The following STK32B variants were observed in gnomAD, a reference collection of about 807,000 sequenced individuals.
STK32B encodes the protein serine/threonine kinase 32B.
In STK32B, 43 loss-of-function variants were observed where a neutral mutation model predicts 52.6. The observed-to-expected ratio is 0.82, with a 90% CI of 0.64 to 1.05. The LOEUF is 1.05. Among genes scored for constraint, STK32B ranks in the 50% least tolerant of loss-of-function variants. The probability of loss-of-function intolerance (pLI) is 0.00; values close to 1 mark genes in which losing one functional copy is unlikely to be tolerated. For synonymous variants in STK32B, 238 were observed against 204.3 expected, an observed-to-expected ratio of 1.17 and a Z score of -1.41; for missense variants, 621 against 534.6, an observed-to-expected ratio of 1.16 and a Z score of -1.59.
At chr4:5,052,922 G>T (rs1440666211) in intron 1 of STK32B, among the ~76,000 whole-genome samples, 7 of 152,188 alleles carry the variant, frequency 4.6e-5, no homozygotes, top group Admixed American at 1.3e-4. Flanking sequence ...GCCCCTTGAG[G>T]TGGCTACCTT....
At chr4:5,095,992 ATTAG>A (rs1224333021) in intron 1 of STK32B, among the ~76,000 whole-genome samples, 1 of 152,246 alleles carries the variant, frequency 6.6e-6, no homozygotes, top group Non-Finnish European at 1.5e-5. Context: ...TGGATATTAT[ATTAG>A]TGATTTCATG....
intron 3 of STK32B, among the ~76,000 whole-genome samples, chr4:5,254,985 G>A (rs1026483081): frequency 7.5e-6 from 1 of 133,294 alleles, no homozygotes; most frequent in Non-Finnish European, 1.5e-5. Context: ...TATGTTTATT[G>A]AGCATCTTAT....
At chr4:5,349,057 A>T (rs866293773) in intron 4 of STK32B, among the ~76,000 whole-genome samples, 3 of 150,644 alleles carry the variant, frequency 2.0e-5, no homozygotes, top group African/African-American at 7.4e-5. Context: ...TTGTTCTACC[A>T]TTGTGACTAC....
At chr4:5,425,568 ACC>A (rs1319593907) in intron 6 of STK32B, among the ~76,000 whole-genome samples, 17 of 151,140 alleles carry the variant, frequency 1.1e-4, no homozygotes, top group African/African-American at 3.9e-4. Flanking sequence ...AAGTATTCCT[ACC>A]CTCATTGGTT....
intron 3 of STK32B, among the ~76,000 whole-genome samples, chr4:5,280,561 G>T (rs1728126599): frequency 6.6e-6 from 1 of 152,028 alleles, no homozygotes. Context: ...CCACCTTTTT[G>T]GTACCAATTT....
At chr4:5,048,751 T>C (rs889866682), upstream of STK32B, among the ~76,000 whole-genome samples, 2 of 152,234 alleles carry the variant, frequency 1.3e-5, no homozygotes, top group Non-Finnish European at 2.9e-5. Flanking sequence ...AAATCTTAGG[T>C]CTTTGCACTT....
At chr4:5,153,042 C>T (rs1158882861) in intron 2 of STK32B, among the ~76,000 whole-genome samples, 1 of 152,178 alleles carries the variant, frequency 6.6e-6, no homozygotes, top group Non-Finnish European at 1.5e-5. Flanking sequence ...AATGATGAAT[C>T]CGCGTCCTGG....
intron 2 of STK32B, among the ~76,000 whole-genome samples, chr4:5,150,307 T>G (rs896904950): frequency 6.6e-6 from 1 of 152,176 alleles, no homozygotes; most frequent in African/African-American, 2.4e-5. Flanking sequence ...TCATAGCAAC[T>G]GCTTTATTGT....
intron 11 of STK32B, among the ~76,000 whole-genome samples, chr4:5,488,754 A>G (rs1274975710): frequency 2.6e-5 from 4 of 152,134 alleles, no homozygotes; most frequent in Non-Finnish European, 5.9e-5. Context: ...GCAAAAATTT[A>G]TCTTCATATC....
At chr4:5,028,867 G>C in the STK32B span, among the ~76,000 whole-genome samples, 2 of 152,256 alleles carry the variant, frequency 1.3e-5, no homozygotes, top group East Asian at 3.9e-4. Context: ...CTTATGGTTC[G>C]GTAAGCTATA....
intron 1 of STK32B, among the ~76,000 whole-genome samples, chr4:5,062,840 G>A (rs559253654): frequency 7.2e-5 from 11 of 152,298 alleles, no homozygotes; most frequent in African/African-American, 2.6e-4. Flanking sequence ...TATAAAAATG[G>A]TAGCATGTTT....
chr4:5,061,265 A>G (rs551956939), intron 1 of STK32B, among the ~76,000 whole-genome samples: 8 of 152,154 alleles, frequency 5.3e-5, no homozygotes, highest in Admixed American at 6.5e-5. Flanking sequence ...TCTGTCTGCT[A>G]TTAAGTACAG....
intron 1 of STK32B, among the ~76,000 whole-genome samples, chr4:5,088,600 C>T (rs1712872205): frequency 6.6e-6 from 1 of 151,656 alleles, no homozygotes; most frequent in African/African-American, 2.4e-5. Flanking sequence ...TTTAAAATAA[C>T]TAAAATAGTA....
At position 5,466,841 on chromosome 4, in the gene STK32B, G is replaced by T; in HGVS notation, c.1041+7G>T. 6.2e-7 allele frequency: 1 copy of T among 1,611,732 alleles called. No homozygotes were observed. The highest frequency in any genetic ancestry group is 8.5e-7 in the Non-Finnish European group (1 of 1,179,028). The stretch of plus-strand genomic sequence containing the variant: ...AAAGGACAGCTGCCCGCTGGTGAGT[G>T]CTTCGTGGGAGCCGTTCCGGGAGAG... On this transcript the variant is annotated splice_region_variant and intron_variant, in intron 10 of 11. Coordinates refer to ENST00000282908, the MANE Select transcript of STK32B (RefSeq NM_018401.3).
chr4:5,253,785 T>G (rs1726112466), intron 3 of STK32B, among the ~76,000 whole-genome samples: 1 of 152,158 alleles, frequency 6.6e-6, no homozygotes, highest in Non-Finnish European at 1.5e-5. Context: ...ATGGTGAATT[T>G]TATATGTTTT....
In STK32B at chr4:5,175,629, C is replaced by T. The variant is rs565070321; in HGVS notation, c.260+7179C>T. On this transcript the variant is annotated intron_variant, in intron 3 of 11. Coordinates refer to ENST00000282908, the MANE Select transcript of STK32B (RefSeq NM_018401.3). Reference sequence around the variant, plus strand: ...CTGCAGAACAGCAGGTATTGGTGAACCGCAAATGCTGCTGCCTGATCGTTC... The same window carrying T: ...CTGCAGAACAGCAGGTATTGGTGAATCGCAAATGCTGCTGCCTGATCGTTC... Among the ~76,000 whole-genome samples the T allele has an allele frequency of 7.9e-5, 12 of 152,328 alleles. No individual in the cohort carries two copies. The South Asian group carries it at 1.7e-3, about 21-fold the overall frequency.
chr4:5,171,473 T>C (rs1719366825), intron 3 of STK32B, among the ~76,000 whole-genome samples: 1 of 152,204 alleles, frequency 6.6e-6, no homozygotes, highest in South Asian at 2.1e-4. Flanking sequence ...CCATCTTGCA[T>C]TAATTTTTGT....
intron 3 of STK32B, among the ~76,000 whole-genome samples, chr4:5,314,994 G>C (rs1216508288): frequency 6.6e-6 from 1 of 152,110 alleles, no homozygotes; most frequent in Non-Finnish European, 1.5e-5. Flanking sequence ...TAAAATTGAA[G>C]ATTTATGCTC....
intron 5 of STK32B, among the ~76,000 whole-genome samples, chr4:5,410,324 A>G (rs1235857411): frequency 3.3e-5 from 5 of 151,736 alleles, no homozygotes; most frequent in African/African-American, 9.7e-5. Context: ...GGTCCTGTAA[A>G]CCAGCTGAGA....
Sources: gnomAD v4.1 joint callset for allele counts (sites outside exome capture counted in the v4.1 genomes callset) on GRCh38, gnomAD v4.1.1 for gene constraint, MANE v1.5 for transcripts, NCBI Gene and HGNC (gene_info 2026-07-23, HGNC 2026-07-21) for gene names.